The following MUC17 variants were observed in gnomAD, a reference collection of about 807,000 sequenced individuals.
MUC17 encodes mucin-17.
Under a neutral mutation model 170.3 loss-of-function variants are expected in MUC17, and 190 were observed. That is an observed-to-expected ratio of 1.12 (90% CI 0.99 to 1.26). MUC17 has a LOEUF of 1.26. Among genes scored for constraint, MUC17 ranks in the 50% most tolerant of loss-of-function variants. The pLI is 0.00. For synonymous variants in MUC17, 2,325 were observed against 2,002.5 expected (o/e 1.16, Z -4.30); for missense variants, 6,415 against 5,530.0 (o/e 1.16, Z -5.08).
Position 101,042,371 on chromosome 7 carries a change from C to T in MUC17, c.10955C>T (p.Ala3652Val), listed in dbSNP as rs779619509. ...VSTTSVTISE[A>V]GTASTLPVDT... ...ACCACATCGGTGACCATTTCTGAGG[C>T]TGGCACAGCTTCAACACTTCCTGTT... The change falls in exon 3 of 13, where the codon GCT becomes GTT. Residue 3652 changes from alanine to valine, a missense_variant. Coordinates refer to ENST00000306151, the MANE Select transcript of MUC17 (RefSeq NM_001040105.2). 57 of 1,613,864 alleles carry T rather than the reference C, an allele frequency of 3.5e-5. No homozygotes were observed. Among genetic ancestry groups the T allele is most frequent in the Admixed American group, 3.3e-4 (20 of 59,998 alleles).
chr7:101,050,659 G>A, intron 7 of MUC17, 24 bp downstream of exon 7: 4 of 1,609,670 alleles, frequency 2.5e-6, no homozygotes, highest in Non-Finnish European at 3.4e-6. Flanking sequence ...TTCCAGGGAG[G>A]GAAGGGAGAA....
chr7:101,050,469 C>G lies in MUC17; in HGVS notation c.12723-15C>G, dbSNP rs756073914. On this transcript the variant is annotated splice_polypyrimidine_tract_variant and intron_variant, in intron 6 of 12. Coordinates refer to ENST00000306151, the MANE Select transcript of MUC17 (RefSeq NM_001040105.2). ...CCCTATTCTGACCCCAGGACGTCTT[C>G]CCTTCCCTCTTCAGTCTTGGCAGTG... is the stretch of plus-strand genomic sequence containing the variant. 4.3e-6 allele frequency: 7 copies of G among 1,611,032 alleles called. No homozygotes were observed. The highest frequency in any genetic ancestry group is 5.9e-6 in the Non-Finnish European group (7 of 1,178,298).
At chr7:101,022,222 G>A (rs868431557) in intron 1 of MUC17, among the ~76,000 whole-genome samples, 6 of 149,264 alleles carry the variant, frequency 4.0e-5, no homozygotes, top group Middle Eastern at 3.4e-3. Flanking sequence ...GCTGGAGTGC[G>A]GTGGCGCCAT....
At position 101,039,433 on chromosome 7, in the gene MUC17, T is replaced by C. The variant is rs750875155; in HGVS notation, c.8017T>C (p.Ser2673Pro). The C allele has an allele frequency of 6.2e-7, 1 of 1,612,280 alleles. No individual in the cohort carries two copies. The highest frequency in any genetic ancestry group is 2.2e-5 in the East Asian group (1 of 44,804). The change falls in exon 3 of 13, where the codon TCT becomes CCT. Residue 2673 changes from serine to proline, a missense_variant. Transcript: ENST00000306151. ...LVTTSTGTSSSPTTAEGSSMP... is the reference protein window; with the variant it reads ...LVTTSTGTSSPPTTAEGSSMP... ...GACCACTTCCACTGGAACCAGTTCA[T>C]CTCCTACAACTGCTGAAGGTAGCAG...
chr7:101,033,182 C>G lies in MUC17; in HGVS notation c.1766C>G (p.Thr589Ser), dbSNP rs147632566. ...CTGGTGGTCAGTTCTGAGGCTAGCACCACTTCAACAACTCCTGCTGACTCC... is the reference window on the plus strand; with the variant it reads ...CTGGTGGTCAGTTCTGAGGCTAGCAGCACTTCAACAACTCCTGCTGACTCC... ...TRLVVSSEAS[T>S]TSTTPADSNT... The change falls in exon 3 of 13, where the codon ACC (threonine) becomes AGC (serine). Residue 589 changes from threonine to serine, a missense_variant. By Grantham distance (58) the Thr-to-Ser change is moderately conservative (BLOSUM62 1). Transcript: ENST00000306151. 1.9e-4 allele frequency: 302 copies of G among 1,613,896 alleles called. No individual in the cohort carries two copies. The highest frequency in any genetic ancestry group is 2.3e-4 in the Non-Finnish European group (275 of 1,180,014).
chr7:101,032,116 A>G lies in MUC17; in HGVS notation c.700A>G (p.Ile234Val). 6.2e-7 allele frequency: 1 copy of G among 1,613,846 alleles called. No homozygotes were observed. Among genetic ancestry groups the G allele is most frequent in the East Asian group, 2.2e-5 (1 of 44,848 alleles). The change falls in exon 3 of 13, where the codon ATC becomes GTC. Residue 234 changes from isoleucine (I) to valine (V), a missense_variant. Coordinates refer to ENST00000306151, the MANE Select transcript of MUC17 (RefSeq NM_001040105.2). ...CATGAAGGTGGCCAGTTCAGAGGCT[A>G]TCACCCTTTTGACAACTCCTGTTGA... The part of the protein sequence containing the change: ...STMKVASSEA[I>V]TLLTTPVEIS...
chr7:101,028,764 T>A (rs1329715408), intron 1 of MUC17, among the ~76,000 whole-genome samples: 1 of 151,914 alleles, frequency 6.6e-6, no homozygotes, highest in Admixed American at 6.6e-5. Flanking sequence ...GTCTCATGCC[T>A]GTAGTGCCAG....
chr7:101,048,018 C>T lies in MUC17; in HGVS notation c.12438C>T (p.Arg4146=), dbSNP rs1490948336. The change falls in exon 4 of 13, where the codon CGC becomes CGT. Residue 4146 remains arginine (R), a synonymous_variant. Transcript: ENST00000306151. Reference sequence around the variant, plus strand: ...ATGGGTGCCAGAATACGGCCTCTCGCTGCAAGAATGGAGGCACCTGGGATG... The same window carrying T: ...ATGGGTGCCAGAATACGGCCTCTCGTTGCAAGAATGGAGGCACCTGGGATG... The part of the protein sequence containing the change: ...FGDGCQNTAS[R]CKNGGTWDGL... 6.2e-7 allele frequency: 1 copy of T among 1,606,438 alleles called. No homozygotes were observed. Among genetic ancestry groups the T allele is most frequent in the Non-Finnish European group, 8.5e-7 (1 of 1,177,026 alleles).
In MUC17 at chr7:101,038,047, C is replaced by A. The variant is rs775741685; in HGVS notation, c.6631C>A (p.Pro2211Thr). ...TACAACTTCTGAAGGTACCAGCATG[C>A]CAACCTCAACTCCTAGTGAAGGAAG... ...SPTTSEGTSM[P>T]TSTPSEGSTP... The change falls in exon 3 of 13, where the codon CCA becomes ACA. Residue 2211 changes from proline (P) to threonine (T), a missense_variant. Transcript: ENST00000306151. 4 of 1,407,018 alleles carry A rather than the reference C, an allele frequency of 2.8e-6. No homozygotes were observed. The East Asian group carries it at 9.1e-5, about 32-fold the overall frequency. 87.2% of individuals were successfully genotyped at this position (1,407,018 alleles called of 1,614,324 possible). A position where few individuals can be genotyped will look rare whatever the true frequency, so the allele number is the denominator to read the frequency against.
At position 101,046,736 on chromosome 7, in the gene MUC17, C is replaced by T. The variant is rs1794849186; in HGVS notation, c.12404-1248C>T. On this transcript the variant is annotated intron_variant, in intron 3 of 12. Transcript: ENST00000306151. ...AAGGCTGTAGTGAGCTATGATTGCA[C>T]CACTGCGCTCCAACCTGAACGAGAT... Among the ~76,000 whole-genome samples the T allele has an allele frequency of 2.0e-5, 3 of 152,130 alleles. No individual in the cohort carries two copies. The South Asian group carries it at 6.2e-4, about 32-fold the overall frequency.
At position 101,041,167 on chromosome 7, in the gene MUC17, A is replaced by T. The variant is rs959159309; in HGVS notation, c.9751A>T (p.Thr3251Ser). The T allele has an allele frequency of 1.2e-6, 2 of 1,611,724 alleles. No homozygotes were observed. Reference sequence around the variant, plus strand: ...TTCAACAACTCCTGTTGACTCCAACACTCCTTTGACCACTTCTACTGAAGC... The same window carrying T: ...TTCAACAACTCCTGTTGACTCCAACTCTCCTTTGACCACTTCTACTGAAGC... The part of the protein sequence containing the change: ...ILSTTPVDSN[T>S]PLTTSTEASS... The change falls in exon 3 of 13, where the codon ACT becomes TCT. Residue 3251 changes from threonine (T) to serine (S), a missense_variant. Thr to Ser is a moderately conservative substitution (Grantham distance 58). Coordinates refer to ENST00000306151, the MANE Select transcript of MUC17 (RefSeq NM_001040105.2).
chr7:101,042,355 G>T lies in MUC17; in HGVS notation c.10939G>T (p.Val3647Leu), dbSNP rs367956925. The T allele has an allele frequency of 1.2e-6, 2 of 1,613,994 alleles. No homozygotes were observed. Among genetic ancestry groups the T allele is most frequent in the African/African-American group, 1.3e-5 (1 of 74,924 alleles). Residue 3647 changes from valine to leucine, a missense_variant, in exon 3 of 13, where the codon GTG becomes TTG. Physicochemically the swap from Val to Leu is conservative, Grantham distance 32. Coordinates refer to ENST00000306151, the MANE Select transcript of MUC17 (RefSeq NM_001040105.2). Reference sequence around the variant, plus strand: ...CATTATGCCTGTCAGCACCACATCGGTGACCATTTCTGAGGCTGGCACAGC... The same window carrying T: ...CATTATGCCTGTCAGCACCACATCGTTGACCATTTCTGAGGCTGGCACAGC... ...LTIMPVSTTS[V>L]TISEAGTAST...
Position 101,035,480 on chromosome 7 carries a change from G to T in MUC17, c.4064G>T (p.Ser1355Ile). 1 of 1,601,666 alleles carries T rather than the reference G, an allele frequency of 6.2e-7. No homozygotes were observed. Residue 1355 changes from serine (S) to isoleucine (I), a missense_variant, in exon 3 of 13, where the codon AGC becomes ATC. Transcript: ENST00000306151. Reference sequence around the variant, plus strand: ...ACACTGGTGGCCAGTTCTGCAATCAGCATCCTTTCAACAACTCCTGTTGAC... The same window carrying T: ...ACACTGGTGGCCAGTTCTGCAATCATCATCCTTTCAACAACTCCTGTTGAC... ...NTTLVASSAISILSTTPVDNS... is the reference protein window; with the variant it reads ...NTTLVASSAIIILSTTPVDNS...
intron 4 of MUC17, 74 bp downstream of exon 4, chr7:101,048,189 C>G (rs11773718): frequency 7.1e-7 from 1 of 1,418,236 alleles, no homozygotes; most frequent in African/African-American, 1.5e-5. Context: ...AGTTCCTGCC[C>G]CACCTTGATG....
rs1794437839 is a variant in MUC17, at chr7:101,035,413, A to G, written c.3997A>G (p.Ser1333Gly). The change falls in exon 3 of 13, where the codon AGT becomes GGT. Residue 1333 changes from serine (S) to glycine (G), a missense_variant. Transcript: ENST00000306151. The part of the protein sequence containing the change: ...EGTSMPTSTY[S>G]EGRTPLTSIP... ...TACCAGCATGCCAACCTCAACTTATAGTGAAGGAAGAACTCCTTTAACAAG... is the reference window on the plus strand; with the variant it reads ...TACCAGCATGCCAACCTCAACTTATGGTGAAGGAAGAACTCCTTTAACAAG... The G allele has an allele frequency of 6.2e-7, 1 of 1,606,784 alleles. No individual in the cohort carries two copies. Among genetic ancestry groups the G allele is most frequent in the South Asian group, 1.1e-5 (1 of 90,758 alleles).
chr7:101,027,274 G>T (rs899116518), intron 1 of MUC17, among the ~76,000 whole-genome samples: 3 of 151,996 alleles, frequency 2.0e-5, no homozygotes, highest in Non-Finnish European at 2.9e-5. Flanking sequence ...GGCACCTAGG[G>T]CCCATGCCCA....
In MUC17 at chr7:101,039,202, A is replaced by G. The variant is rs564428879; in HGVS notation, c.7786A>G (p.Thr2596Ala). ...LASSEASTLS[T>A]TPVDTSIPVT... Reference sequence around the variant, plus strand: ...CAGTTCTGAGGCTAGCACTCTTTCAACAACTCCTGTTGACACCAGCATACC... The same window carrying G: ...CAGTTCTGAGGCTAGCACTCTTTCAGCAACTCCTGTTGACACCAGCATACC... Residue 2596 changes from threonine to alanine, a missense_variant, in exon 3 of 13, where the codon ACA (threonine) becomes GCA (alanine). Coordinates refer to ENST00000306151, the MANE Select transcript of MUC17 (RefSeq NM_001040105.2). The G allele has an allele frequency of 1.9e-6, 3 of 1,613,544 alleles. No individual in the cohort carries two copies. The highest frequency in any genetic ancestry group is 1.7e-4 in the Middle Eastern group (1 of 6,058).
chr7:101,042,103 G>A lies in MUC17; in HGVS notation c.10687G>A (p.Val3563Ile). 6.2e-7 allele frequency: 1 copy of A among 1,614,068 alleles called. No homozygotes were observed. The highest frequency in any genetic ancestry group is 2.2e-5 in the East Asian group (1 of 44,862). Residue 3563 changes from valine to isoleucine, a missense_variant, in exon 3 of 13, where the codon GTC becomes ATC. Coordinates refer to ENST00000306151, the MANE Select transcript of MUC17 (RefSeq NM_001040105.2). ...QASSSPATLQ[V>I]TTMRMSTPSE... ...CAGTTCATCTCCAGCAACTCTTCAG[G>A]TCACCACTATGCGTATGTCTACTCC...
chr7:101,033,767 C>T lies in MUC17; in HGVS notation c.2351C>T (p.Ala784Val), dbSNP rs759533640. The T allele has an allele frequency of 3.7e-6, 6 of 1,614,010 alleles. No homozygotes were observed. The highest frequency in any genetic ancestry group is 2.2e-5 in the South Asian group (2 of 91,074). Residue 784 changes from alanine to valine, a missense_variant, in exon 3 of 13, where the codon GCC (alanine) becomes GTC (valine). Coordinates refer to ENST00000306151, the MANE Select transcript of MUC17 (RefSeq NM_001040105.2). ...ACACATATCACCACTTCTACTGAAGCCAGTTGCTCTCCTACAACCACTGAA... is the reference window on the plus strand; with the variant it reads ...ACACATATCACCACTTCTACTGAAGTCAGTTGCTCTCCTACAACCACTGAA... ...TSTHITTSTE[A>V]SCSPTTTEGT...
Sources: allele counts gnomAD v4.1 joint callset (sites outside exome capture counted in the v4.1 genomes callset), GRCh38; gene constraint gnomAD v4.1.1; transcripts MANE v1.5; gene names NCBI Gene and HGNC (gene_info 2026-07-23, HGNC 2026-07-21).